Variants in KCNJ3 observed in about 807,000 individuals in gnomAD.
KCNJ3 encodes G protein-activated inward rectifier potassium channel 1.
Under a neutral mutation model 39.2 loss-of-function variants are expected in KCNJ3, and 4 were observed. The observed-to-expected ratio is 0.10, with a 90% CI of 0.05 to 0.23. The LOEUF (loss-of-function observed/expected upper bound fraction) is 0.23. KCNJ3 is among the 10% of genes least tolerant of loss of function. The pLI, the probability that KCNJ3 is intolerant of heterozygous loss-of-function variation, is 1.00. For missense variants in KCNJ3, 276 were observed against 634.9 expected (o/e 0.43, Z 6.08); for synonymous variants, 230 against 237.4 (o/e 0.97, Z 0.29).
chr2:154,833,106 A>T (rs1472675651), intron 2 of KCNJ3, among the ~76,000 whole-genome samples: 1 of 152,220 alleles, frequency 6.6e-6, no homozygotes, highest in African/African-American at 2.4e-5. Flanking sequence ...TTGTTAAATA[A>T]GTAAGCAGAT....
intron 2 of KCNJ3, among the ~76,000 whole-genome samples, chr2:154,724,419 G>A (rs1223070056): frequency 6.6e-6 from 1 of 151,886 alleles, no homozygotes; most frequent in Non-Finnish European, 1.5e-5. Flanking sequence ...TTTTTTGAAC[G>A]AAATGCATTT....
At chr2:154,819,096 A>G (rs374120404) in intron 2 of KCNJ3, among the ~76,000 whole-genome samples, 7 of 152,010 alleles carry the variant, frequency 4.6e-5, no homozygotes, top group African/African-American at 1.7e-4. Flanking sequence ...TAAGAGTTCG[A>G]GACCAGCCTG....
intron 1 of KCNJ3, among the ~76,000 whole-genome samples, chr2:154,709,066 C>T (rs1324191406): frequency 2.0e-5 from 3 of 152,178 alleles, no homozygotes; most frequent in Non-Finnish European, 4.4e-5. Context: ...GGAACATCTT[C>T]ACTCTTCTAT....
At chr2:154,735,091 G>GTGTA (rs1040557285) in intron 2 of KCNJ3, among the ~76,000 whole-genome samples, 6 of 151,732 alleles carry the variant, frequency 4.0e-5, no homozygotes, top group Admixed American at 3.9e-4. Flanking sequence ...GTGTGTGTGT[G>GTGTA]TGTGTGTGTG....
chr2:154,825,229 T>C (rs550492961), intron 2 of KCNJ3, among the ~76,000 whole-genome samples: 1 of 152,294 alleles, frequency 6.6e-6, no homozygotes, highest in Non-Finnish European at 1.5e-5. Context: ...GCCTTCTCAC[T>C]CTTCTTGACC....
intron 2 of KCNJ3, among the ~76,000 whole-genome samples, chr2:154,784,086 T>A (rs1265985881): frequency 6.6e-6 from 1 of 152,202 alleles, no homozygotes; most frequent in African/African-American, 2.4e-5. Flanking sequence ...TTGAAGGTAT[T>A]GCTTTAATGA....
chr2:154,828,965 T>A (rs1412382050), intron 2 of KCNJ3, among the ~76,000 whole-genome samples: 1 of 152,154 alleles, frequency 6.6e-6, no homozygotes, highest in Non-Finnish European at 1.5e-5. Flanking sequence ...AATGTTTACA[T>A]CTGAAGTTAA....
chr2:154,829,155 G>T (rs555030105), intron 2 of KCNJ3, among the ~76,000 whole-genome samples: 13 of 152,130 alleles, frequency 8.5e-5, no homozygotes, highest in Non-Finnish European at 1.8e-4. Flanking sequence ...AGGTTCAGGG[G>T]TACATGCACA....
intron 2 of KCNJ3, among the ~76,000 whole-genome samples, chr2:154,731,235 GA>G (rs1351419651): frequency 6.6e-6 from 1 of 152,038 alleles, no homozygotes; most frequent in African/African-American, 2.4e-5. Context: ...GACAGGGTGT[GA>G]GAACTCTGAA....
rs1287215484 is a variant in KCNJ3, at chr2:154,846,426, TA to T, written c.920-8299del. 3.3e-5 allele frequency among the ~76,000 whole-genome samples: 5 copies of T among 152,204 alleles called. No homozygotes were observed. The East Asian group carries it at 9.6e-4, about 29-fold the overall frequency. ...GATTGAACCTTTATTATTTACCAGC[TA>T]ATATAGTAGGCCCATAAATAGGTTA... On this transcript the variant is annotated intron_variant, in intron 2 of 2. Transcript: ENST00000295101.
chr2:154,827,835 A>T (rs1415041908), intron 2 of KCNJ3, among the ~76,000 whole-genome samples: 1 of 152,216 alleles, frequency 6.6e-6, no homozygotes, highest in East Asian at 1.9e-4. Flanking sequence ...AACACGTCTT[A>T]GTCATAGAGT....
At chr2:154,767,497 C>G (rs1172645470) in intron 2 of KCNJ3, among the ~76,000 whole-genome samples, 2 of 152,146 alleles carry the variant, frequency 1.3e-5, no homozygotes, top group Non-Finnish European at 2.9e-5. Context: ...CATCCATGTC[C>G]CTACAAAGGA....
At chr2:154,713,758 A>G (rs1685139546) in intron 2 of KCNJ3, among the ~76,000 whole-genome samples, 1 of 152,224 alleles carries the variant, frequency 6.6e-6, no homozygotes. Context: ...CCCAGGAGAG[A>G]GAGCACTGCT....
chr2:154,798,187 C>T (rs1028330439), intron 2 of KCNJ3, among the ~76,000 whole-genome samples: 7 of 118,826 alleles, frequency 5.9e-5, no homozygotes, highest in East Asian at 2.3e-4. Context: ...ATTCGAACAC[C>T]GCACACACAC....
At chr2:154,700,249 A>G (rs1684864203) in intron 1 of KCNJ3, among the ~76,000 whole-genome samples, 1 of 152,244 alleles carries the variant, frequency 6.6e-6, no homozygotes, top group Admixed American at 6.5e-5. Flanking sequence ...TTCAGCATCC[A>G]TTAAAGAAGA....
chr2:154,789,939 G>A (rs1686597527), intron 2 of KCNJ3, among the ~76,000 whole-genome samples: 1 of 152,036 alleles, frequency 6.6e-6, no homozygotes, highest in Non-Finnish European at 1.5e-5. Flanking sequence ...TTCTTTAATA[G>A]GAATATGATG....
intron 2 of KCNJ3, among the ~76,000 whole-genome samples, chr2:154,748,230 C>T (rs1685780554): frequency 6.6e-6 from 1 of 151,984 alleles, no homozygotes; most frequent in Admixed American, 6.6e-5. Context: ...GACTAAATAA[C>T]ACTCTTTTTA....
intron 2 of KCNJ3, among the ~76,000 whole-genome samples, chr2:154,791,923 C>A (rs751185584): frequency 2.0e-5 from 3 of 152,106 alleles, no homozygotes; most frequent in Non-Finnish European, 4.4e-5. Context: ...TTGCATTAGT[C>A]AGCAAAGCAA....
intron 2 of KCNJ3, among the ~76,000 whole-genome samples, chr2:154,791,963 T>A (rs1298256078): frequency 6.6e-6 from 1 of 152,088 alleles, no homozygotes; most frequent in Non-Finnish European, 1.5e-5. Context: ...TGTGGCTTCT[T>A]TAGGAGGCAA....
Sources: allele counts gnomAD v4.1 joint callset (sites outside exome capture counted in the v4.1 genomes callset), GRCh38; gene constraint gnomAD v4.1.1; transcripts MANE v1.5; gene names NCBI Gene and HGNC (gene_info 2026-07-23, HGNC 2026-07-21).